The following WDR4 variants were observed in gnomAD, a reference collection of about 807,000 sequenced individuals.
The protein encoded by WDR4 is WDR4 tRNA N7-guanosine methyltransferase non-catalytic subunit.
Under a neutral mutation model 48.6 loss-of-function variants are expected in WDR4, and 47 were observed. The observed-to-expected ratio is 0.97, with a 90% CI of 0.77 to 1.23. The LOEUF (loss-of-function observed/expected upper bound fraction) is 1.23. Ranked by LOEUF, WDR4 falls within the 50% of genes most tolerant of loss-of-function variation. The pLI is 0.00. For synonymous variants in WDR4, 268 were observed against 230.0 expected (o/e 1.17, Z -1.49); for missense variants, 606 against 551.6 (o/e 1.10, Z -0.99).
At chr21:42,881,134 C>T (rs2058606515), upstream of WDR4, among the ~76,000 whole-genome samples, 1 of 152,196 alleles carries the variant, frequency 6.6e-6, no homozygotes. Flanking sequence ...TCTGGATCTC[C>T]TGACCTTGTG....
At chr21:42,887,965 T>G in the WDR4 span, among the ~76,000 whole-genome samples, 1 of 152,118 alleles carries the variant, frequency 6.6e-6, no homozygotes, top group African/African-American at 2.4e-5. Flanking sequence ...TTTATAAATT[T>G]TAATATTTTA....
intron 3 of WDR4, 43 bp from the exon 4 acceptor site, chr21:42,863,639 C>T (rs764598529): frequency 1.2e-4 from 196 of 1,591,486 alleles, no homozygotes; most frequent in Non-Finnish European, 1.5e-4. Flanking sequence ...CCAGGAGCAG[C>T]GCAGGGTCCT....
At chr21:42,878,871 G>A in intron 1 of WDR4, 1 of 818,460 alleles carries the variant, frequency 1.2e-6, no homozygotes. Context: ...GGAGCCCTAA[G>A]GAGCAATTAA....
chr21:42,865,321 G>A (rs1368741966), intron 3 of WDR4, among the ~76,000 whole-genome samples: 1 of 152,196 alleles, frequency 6.6e-6, no homozygotes, highest in African/African-American at 2.4e-5. Context: ...CAGCGACACA[G>A]CCCCCAATGT....
chr21:42,848,298 C>A (rs1233600626), downstream of WDR4, among the ~76,000 whole-genome samples: 1 of 151,886 alleles, frequency 6.6e-6, no homozygotes, highest in Non-Finnish European at 1.5e-5. Context: ...AATCACGCGG[C>A]GCACACCTCA....
the WDR4 span, among the ~76,000 whole-genome samples, chr21:42,887,538 C>G: frequency 6.6e-6 from 1 of 152,100 alleles, no homozygotes. Flanking sequence ...ATACTTAGAG[C>G]ACTTGAGCTC....
intron 5 of WDR4, among the ~76,000 whole-genome samples, chr21:42,861,547 G>A (rs2146041717): frequency 6.6e-6 from 1 of 152,184 alleles, no homozygotes; most frequent in Admixed American, 6.5e-5. Flanking sequence ...GAGGGGCCGG[G>A]GGGCTGCAGG....
In WDR4 at chr21:42,852,290, G is replaced by A. The variant is rs1056166267; in HGVS notation, c.1010C>T (p.Ser337Phe). 3.7e-6 allele frequency: 6 copies of A among 1,614,050 alleles called. No homozygotes were observed. Among genetic ancestry groups the A allele is most frequent in the Admixed American group, 1.7e-5 (1 of 59,996 alleles). Residue 337 changes from serine to phenylalanine, a missense_variant, in exon 10 of 11, where the codon TCT becomes TTT. Transcript: ENST00000398208. ...GGCCCAGTTCCCACGAAGAACACCA[G>A]AGACTTTCTTTAACACGGTGCTCTC... is the stretch of plus-strand genomic sequence containing the variant. ...VPESTVLKKV[S>F]GVLRGNWAML...
chr21:42,863,668 C>G, intron 3 of WDR4, 72 bp from the exon 4 acceptor site: 1 of 1,514,248 alleles, frequency 6.6e-7, no homozygotes, highest in Non-Finnish European at 8.9e-7. Flanking sequence ...TGGCAGGCCA[C>G]GTGGGCGGTG....
intron 3 of WDR4, among the ~76,000 whole-genome samples, chr21:42,865,751 C>T (rs1372877122): frequency 1.3e-5 from 2 of 152,046 alleles, no homozygotes; most frequent in Admixed American, 6.6e-5. Flanking sequence ...TGCAGGGTCT[C>T]GGGTCTCGGG....
Position 42,849,884 on chromosome 21 carries a change from G to A in WDR4, c.*165C>T. On this transcript the variant is annotated 3_prime_UTR_variant, in exon 11 of 11. Coordinates refer to ENST00000398208, the MANE Select transcript of WDR4 (RefSeq NM_018669.6). ...CAGGCACCCAGCAAGAGCCTGTGCT[G>A]GTGACACAGAATGTTCTTTCTAGAG... 1 of 822,390 alleles carries A rather than the reference G, an allele frequency of 1.2e-6. No homozygotes were observed. Among genetic ancestry groups the A allele is most frequent in the Non-Finnish European group, 1.9e-6 (1 of 537,808 alleles). 50.9% of individuals were successfully genotyped at this position (822,390 alleles called of 1,614,324 possible). A position where few individuals can be genotyped will look rare whatever the true frequency, so the allele number is the denominator to read the frequency against.
At chr21:42,885,063 A>C in the WDR4 span, among the ~76,000 whole-genome samples, 1 of 152,146 alleles carries the variant, frequency 6.6e-6, no homozygotes, top group Non-Finnish European at 1.5e-5. Context: ...GGCGTGAACC[A>C]ACGCATCTGG....
intron 3 of WDR4, among the ~76,000 whole-genome samples, chr21:42,865,986 A>T (rs1451114197): frequency 6.6e-6 from 1 of 152,080 alleles, no homozygotes; most frequent in Non-Finnish European, 1.5e-5. Flanking sequence ...CCCACACTCC[A>T]GCAGCCAGGT....
rs143293613 is a variant in WDR4 at position 42,862,653 on chromosome 21, C to T, written c.454-259G>A. On this transcript the variant is annotated intron_variant, in intron 4 of 10. Coordinates refer to ENST00000398208, the MANE Select transcript of WDR4 (RefSeq NM_018669.6). The surrounding 1 kb of genome is among the most constrained non-coding windows in gnomAD (Gnocchi z 4.3). ...GCAGGCTTCTGGGGTGGGGCAGTGC[C>T]ACCCCTGCCTGCCTGTCTCCCGCAC... is the stretch of plus-strand genomic sequence containing the variant. Among the ~76,000 whole-genome samples, 177 of 152,236 alleles carry T rather than the reference C, an allele frequency of 1.2e-3. 2 individuals carry two copies. The highest frequency in any genetic ancestry group is 1.3e-3 in the Non-Finnish European group (88 of 67,986).
rs1555983952 is a variant in WDR4 at position 42,879,485 on chromosome 21, G to C, written c.11C>G (p.Ser4Cys). 6.2e-7 allele frequency: 1 copy of C among 1,613,434 alleles called. No individual in the cohort carries two copies. The highest frequency in any genetic ancestry group is 1.1e-5 in the South Asian group (1 of 91,058). MAG[S>C]VGLALCGQTL... Reference sequence around the variant, plus strand: ...CTGCCCGCACAACGCCAGTCCCACAGAGCCCGCCATGTACCCGCCCGCCTC... The same window carrying C: ...CTGCCCGCACAACGCCAGTCCCACACAGCCCGCCATGTACCCGCCCGCCTC... Residue 4 changes from serine to cysteine, a missense_variant, in exon 1 of 11, where the codon TCT (serine) becomes TGT (cysteine). Transcript: ENST00000398208.
intron 7 of WDR4, among the ~76,000 whole-genome samples, chr21:42,855,364 G>A (rs1441785336): frequency 6.6e-6 from 1 of 152,176 alleles, no homozygotes. Context: ...GCTGGAGTGG[G>A]CCTGGCCCCA....
downstream of WDR4, among the ~76,000 whole-genome samples, chr21:42,848,731 ACGGCGCGC>A (rs1569308586): frequency 2.1e-3 from 68 of 32,702 alleles, 14 homozygotes; most frequent in African/African-American, 6.4e-3. Flanking sequence ...GCACGATCAC[ACGGCGCGC>A]ACCTCACACA....
intron 6 of WDR4, among the ~76,000 whole-genome samples, chr21:42,859,420 C>A (rs2058064437): frequency 6.6e-6 from 1 of 152,110 alleles, no homozygotes; most frequent in Non-Finnish European, 1.5e-5. Flanking sequence ...AGGGAGCCTT[C>A]CACACACCCG....
chr21:42,859,973 T>C (rs1243399785), intron 5 of WDR4, among the ~76,000 whole-genome samples: 4 of 152,068 alleles, frequency 2.6e-5, no homozygotes, highest in Non-Finnish European at 4.4e-5. Context: ...CAGCAACCTC[T>C]AACCCAGGCC....
Sources: allele counts gnomAD v4.1 joint callset (sites outside exome capture counted in the v4.1 genomes callset), GRCh38; gene constraint gnomAD v4.1.1; non-coding constraint Gnocchi (gnomAD v3.1); transcripts MANE v1.5; gene names NCBI Gene and HGNC (gene_info 2026-07-23, HGNC 2026-07-21).